Variants in ZNF791 observed in about 807,000 individuals in gnomAD.
ZNF791 encodes the protein zinc finger protein 791.
ZNF791 carries 4 observed loss-of-function variants against 11.5 expected under a neutral mutation model. The ratio of observed to expected loss-of-function variants is 0.35; its 90% CI spans 0.17 to 0.80. The LOEUF (loss-of-function observed/expected upper bound fraction) is 0.80. Ranked by LOEUF, ZNF791 falls within the 30% of genes least tolerant of loss-of-function variation. The pLI, the probability that ZNF791 is intolerant of heterozygous loss-of-function variation, is 0.53. For missense variants in ZNF791, 559 were observed against 699.4 expected, an observed-to-expected ratio of 0.80 and a Z score of 2.26; for synonymous variants, 212 against 228.1, an observed-to-expected ratio of 0.93 and a Z score of 0.64.
At chr19:12,615,010 A>C (rs1599320213) in intron 1 of ZNF791, among the ~76,000 whole-genome samples, 4 of 61,790 alleles carry the variant, frequency 6.5e-5, no homozygotes, top group Non-Finnish European at 1.0e-4. Flanking sequence ...TCCTATGTTC[A>C]ACTTTTTTTT....
intron 1 of ZNF791, among the ~76,000 whole-genome samples, 180 bp downstream of exon 1, chr19:12,611,262 C>T (rs367910720): frequency 1.1e-3 from 164 of 152,324 alleles, no homozygotes; most frequent in African/African-American, 3.0e-3. Flanking sequence ...CAACTCCGCG[C>T]CCGCAGCCCC....
intron 1 of ZNF791, among the ~76,000 whole-genome samples, chr19:12,619,282 G>A (rs1954969283): frequency 6.6e-6 from 1 of 151,972 alleles, no homozygotes; most frequent in Non-Finnish European, 1.5e-5. Flanking sequence ...TTTTGTTTCA[G>A]TCTGCAAGTG....
rs920620388 is a variant in ZNF791, at chr19:12,617,649, G to C, written c.4-6051G>C. Reference sequence around the variant, plus strand: ...CTTGGTGAATGTTCCACATGAACTTGAGAAGAATGTGTGTTGTTCTGTTGG... The same window carrying C: ...CTTGGTGAATGTTCCACATGAACTTCAGAAGAATGTGTGTTGTTCTGTTGG... On this transcript the variant is annotated intron_variant, in intron 1 of 3. Transcript: ENST00000343325. Among the ~76,000 whole-genome samples the C allele has an allele frequency of 1.1e-4, 17 of 151,846 alleles. No homozygotes were observed. The East Asian group carries it at 1.4e-3, about 12-fold the overall frequency.
intron 3 of ZNF791, among the ~76,000 whole-genome samples, chr19:12,627,155 C>A (rs1310562788): frequency 6.8e-6 from 1 of 147,700 alleles, no homozygotes; most frequent in East Asian, 2.0e-4. Context: ...TACTCCAGTG[C>A]GGGTGACAGA....
At chr19:12,613,196 G>A (rs1165998916) in intron 1 of ZNF791, among the ~76,000 whole-genome samples, 1 of 150,798 alleles carries the variant, frequency 6.6e-6, no homozygotes, top group Non-Finnish European at 1.5e-5. Flanking sequence ...CGGACCGCAG[G>A]TGATCCACCC....
rs1255303531 is a variant in ZNF791, at chr19:12,629,179, A to G, written c.1650A>G (p.Lys550=). The G allele has an allele frequency of 3.1e-6, 5 of 1,587,588 alleles. No homozygotes were observed. Among genetic ancestry groups the G allele is most frequent in the East Asian group, 4.5e-5 (2 of 44,650 alleles). Reference sequence around the variant, plus strand: ...ATACAAGAATTCACAATTATGAGAAACCTCTTGAATGTAAGCAATGTGGAA... The same window carrying G: ...ATACAAGAATTCACAATTATGAGAAGCCTCTTGAATGTAAGCAATGTGGAA... The part of the protein sequence containing the change: ...QRHTRIHNYE[K]PLECKQCGKA... The change falls in exon 4 of 4, where the codon AAA becomes AAG. Residue 550 remains lysine (K), a synonymous_variant. Coordinates refer to ENST00000343325, the MANE Select transcript of ZNF791 (RefSeq NM_153358.3).
At position 12,633,603 on chromosome 19, in the gene ZNF791, G is replaced by A. The variant is rs1411618164; in HGVS notation, c.*4343G>A. On this transcript the variant is annotated 3_prime_UTR_variant, in exon 4 of 4. Coordinates refer to ENST00000343325, the MANE Select transcript of ZNF791 (RefSeq NM_153358.3). ...TTGGTTTCCACAGTTGTCTCCACAA[G>A]CTCCGCATCAAAGATCCACGTACAG... 1 of 152,230 alleles carries A rather than the reference G, an allele frequency of 6.6e-6. No homozygotes were observed. Among genetic ancestry groups the A allele is most frequent in the Non-Finnish European group, 1.5e-5 (1 of 68,010 alleles). The allele number at this position is 152,230 out of a possible 1,614,324, so 9.4% of individuals were successfully genotyped here. A position where few individuals can be genotyped will look rare whatever the true frequency, so the allele number is the denominator to read the frequency against.
Position 12,623,719 on chromosome 19 carries a change from ATG to A in ZNF791, c.27_28del (p.Ser10CysfsTer43). On this transcript the variant is annotated frameshift_variant, in exon 2 of 4. Coordinates refer to ENST00000343325, the MANE Select transcript of ZNF791 (RefSeq NM_153358.3). LOFTEE classifies it high-confidence loss of function. ...TTTCAGGACTCAGTGGCTTTTGAGG[ATG>A]TGTCTGTGAGCTTCAGCCAGGAGGA... 6.2e-7 allele frequency: 1 copy of A among 1,614,018 alleles called. No homozygotes were observed. Among genetic ancestry groups the A allele is most frequent in the Non-Finnish European group, 8.5e-7 (1 of 1,180,000 alleles).
Position 12,628,134 on chromosome 19 carries a change from C to T in ZNF791, c.605C>T (p.Ser202Leu), listed in dbSNP as rs2023455130. 8 of 1,614,004 alleles carry T rather than the reference C, an allele frequency of 5.0e-6. No individual in the cohort carries two copies. The highest frequency in any genetic ancestry group is 5.9e-6 in the Non-Finnish European group (7 of 1,180,024). The change falls in exon 4 of 4, where the codon TCG becomes TTG. Residue 202 changes from serine to leucine, a missense_variant. By Grantham distance (145) the Ser-to-Leu change is moderately radical (BLOSUM62 -2). Coordinates refer to ENST00000343325, the MANE Select transcript of ZNF791 (RefSeq NM_153358.3). ...GGAAAAGCTCTTAGTTGTTCCAGTT[C>T]GCTTCGAGTTCATGAAAGGATTCAC... ...QCGKALSCSSSLRVHERIHTG... is the reference protein window; with the variant it reads ...QCGKALSCSSLLRVHERIHTG...
intron 1 of ZNF791, chr19:12,612,259 G>C (rs1343370973): frequency 1.7e-5 from 7 of 416,360 alleles, no homozygotes; most frequent in Non-Finnish European, 1.9e-5. Flanking sequence ...GGCTGATCTT[G>C]AACTCCTGGG....
intron 1 of ZNF791, among the ~76,000 whole-genome samples, chr19:12,620,244 T>C (rs1343163916): frequency 2.0e-5 from 3 of 152,026 alleles, no homozygotes; most frequent in Non-Finnish European, 4.4e-5. Context: ...GGTATAGTTA[T>C]GGCTCACTGC....
chr19:12,612,806 ATTTTTT>A (rs140336473), intron 1 of ZNF791, among the ~76,000 whole-genome samples: 2 of 104,224 alleles, frequency 1.9e-5, no homozygotes, highest in African/African-American at 7.5e-5. Flanking sequence ...ATTCTGCTGG[ATTTTTT>A]TTTTTTTTTT....
In ZNF791 at chr19:12,628,717, T is replaced by C. The variant is rs1481910175; in HGVS notation, c.1188T>C (p.Pro396=). ...AATGTGGGAAAACTTTCAATTATCC[T>C]CTAGATTTGAAAATCCACAAGAGAA... The part of the protein sequence containing the change: ...CKKCGKTFNY[P]LDLKIHKRNH... Residue 396 remains proline (P), a synonymous_variant, in exon 4 of 4, where the codon CCT becomes CCC. Transcript: ENST00000343325. 1 of 1,601,880 alleles carries C rather than the reference T, an allele frequency of 6.2e-7. No individual in the cohort carries two copies. Among genetic ancestry groups the C allele is most frequent in the East Asian group, 2.2e-5 (1 of 44,696 alleles).
chr19:12,626,290 C>A (rs566379504), intron 3 of ZNF791, among the ~76,000 whole-genome samples: 5 of 151,972 alleles, frequency 3.3e-5, no homozygotes, highest in African/African-American at 1.2e-4. Flanking sequence ...GCTGGGATTA[C>A]AGGCGTGAGC....
At chr19:12,615,196 T>G (rs2023228507) in intron 1 of ZNF791, among the ~76,000 whole-genome samples, 1 of 150,874 alleles carries the variant, frequency 6.6e-6, no homozygotes, top group Non-Finnish European at 1.5e-5. Context: ...TCGTATTTTC[T>G]GTAGAGATGG....
In ZNF791 at chr19:12,628,968, C is replaced by T; in HGVS notation, c.1439C>T (p.Ser480Phe). ...CKQCGKAFSC[S>F]SYIRIHKRTH... is the part of the protein sequence containing the mutation. The stretch of plus-strand genomic sequence containing the variant: ...CAATGTGGAAAAGCCTTTAGTTGTT[C>T]TAGTTACATTCGGATACATAAAAGA... Residue 480 changes from serine (S) to phenylalanine (F), a missense_variant, in exon 4 of 4, where the codon TCT becomes TTT. By Grantham distance (155) the Ser-to-Phe change is radical. Coordinates refer to ENST00000343325, the MANE Select transcript of ZNF791 (RefSeq NM_153358.3). 1 of 1,613,914 alleles carries T rather than the reference C, an allele frequency of 6.2e-7. No homozygotes were observed. Among genetic ancestry groups the T allele is most frequent in the Non-Finnish European group, 8.5e-7 (1 of 1,179,968 alleles).
chr19:12,628,977 T>C lies in ZNF791; in HGVS notation c.1448T>C (p.Ile483Thr), dbSNP rs2023466119. The change falls in exon 4 of 4, where the codon ATT (isoleucine) becomes ACT (threonine). Residue 483 changes from isoleucine (I) to threonine (T), a missense_variant. Transcript: ENST00000343325. ...CGKAFSCSSY[I>T]RIHKRTHTGE... The stretch of plus-strand genomic sequence containing the variant: ...AAAGCCTTTAGTTGTTCTAGTTACA[T>C]TCGGATACATAAAAGAACTCACACT... 6.2e-7 allele frequency: 1 copy of C among 1,614,078 alleles called. No homozygotes were observed. Among genetic ancestry groups the C allele is most frequent in the Non-Finnish European group, 8.5e-7 (1 of 1,179,988 alleles).
Position 12,628,942 on chromosome 19 carries a change from A to C in ZNF791, c.1413A>C (p.Lys471Asn). Residue 471 changes from lysine (K) to asparagine (N), a missense_variant, in exon 4 of 4, where the codon AAA becomes AAC. Coordinates refer to ENST00000343325, the MANE Select transcript of ZNF791 (RefSeq NM_153358.3). ...CTGGAGAGAAACCCTATGAATGTAA[A>C]CAATGTGGAAAAGCCTTTAGTTGTT... ...THTGEKPYEC[K>N]QCGKAFSCSS... 6.2e-7 allele frequency: 1 copy of C among 1,613,922 alleles called. No homozygotes were observed.
At position 12,622,960 on chromosome 19, in the gene ZNF791, C is replaced by CCTAA. The variant is rs557826101; in HGVS notation, c.4-736_4-733dup. Among the ~76,000 whole-genome samples, 146 of 151,314 alleles carry CCTAA rather than the reference C, an allele frequency of 9.6e-4. 1 individual carries two copies. Among genetic ancestry groups the CCTAA allele is most frequent in the African/African-American group, 3.5e-3 (144 of 41,248 alleles). ...GGGAGTGGTGTTGCACATCTGTAGT[C>CCTAA]CTAACTACTCGTGAAGCTGAGGCAG... On this transcript the variant is annotated intron_variant, in intron 1 of 3. Coordinates refer to ENST00000343325, the MANE Select transcript of ZNF791 (RefSeq NM_153358.3).
Sources: allele counts gnomAD v4.1 joint callset (sites outside exome capture counted in the v4.1 genomes callset), GRCh38; gene constraint gnomAD v4.1.1; transcripts MANE v1.5; gene names NCBI Gene and HGNC (gene_info 2026-07-23, HGNC 2026-07-21).